ZNF407: variants seen among roughly 807,000 people sequenced by gnomAD.
ZNF407 encodes the protein zinc finger protein 407.
ZNF407 carries 17 observed loss-of-function variants against 131.2 expected under a neutral mutation model. The ratio of observed to expected loss-of-function variants is 0.13; its 90% CI spans 0.09 to 0.19. ZNF407 has a LOEUF of 0.19. Among genes scored for constraint, ZNF407 ranks in the 10% least tolerant of loss-of-function variants. ZNF407 has a pLI of 1.00. For synonymous variants in ZNF407, 1,156 were observed against 1,062.0 expected (o/e 1.09, Z -1.72); for missense variants, 2,681 against 2,830.6 (o/e 0.95, Z 1.20).
chr18:74,622,806 G>T (rs79141773), intron 1 of ZNF407, among the ~76,000 whole-genome samples: 11,359 of 150,076 alleles, frequency 0.076, 509 homozygotes, highest in African/African-American at 0.13. Context: ...GTCTGAATTT[G>T]TGAATATGTC....
At chr18:74,656,337 G>T (rs2144721018) in intron 3 of ZNF407, among the ~76,000 whole-genome samples, 1 of 152,052 alleles carries the variant, frequency 6.6e-6, no homozygotes, top group East Asian at 1.9e-4. Context: ...GGGGGTATAT[G>T]TTAGCGTTCA....
intron 8 of ZNF407, among the ~76,000 whole-genome samples, chr18:74,944,840 T>C (rs1972137378): frequency 6.6e-6 from 1 of 152,212 alleles, no homozygotes; most frequent in South Asian, 2.1e-4. Context: ...GAGTGCCACG[T>C]CACTATTCAA....
intron 4 of ZNF407, among the ~76,000 whole-genome samples, chr18:74,874,945 A>G (rs1971135629): frequency 6.6e-6 from 1 of 152,092 alleles, no homozygotes; most frequent in South Asian, 2.1e-4. Context: ...CGCAGGGTTC[A>G]CCCGGCAAGA....
intron 8 of ZNF407, among the ~76,000 whole-genome samples, chr18:75,024,939 T>C (rs914021735): frequency 2.6e-5 from 4 of 152,224 alleles, no homozygotes; most frequent in Non-Finnish European, 4.4e-5. Context: ...ACGAAGACTA[T>C]TTCCATCTGA....
At position 74,821,477 on chromosome 18, in the gene ZNF407, G is replaced by A. The variant is rs992969088; in HGVS notation, c.4877+39975G>A. Among the ~76,000 whole-genome samples the A allele has an allele frequency of 9.9e-5, 15 of 151,334 alleles. No individual in the cohort carries two copies. In the East Asian group the frequency reaches 2.0e-3, roughly 20 times the overall value. ...GATGATCCCCTCCCTGTGTCCATGC[G>A]TTCTCATTGTTCAACTCCCACTTAT... On this transcript the variant is annotated intron_variant, in intron 4 of 8. Coordinates refer to ENST00000299687, the MANE Select transcript of ZNF407 (RefSeq NM_017757.3).
chr18:74,805,908 C>T (rs904398904), intron 4 of ZNF407, among the ~76,000 whole-genome samples: 3 of 152,170 alleles, frequency 2.0e-5, no homozygotes, highest in South Asian at 4.1e-4. Context: ...CTTCTCGACT[C>T]GTCCTCTTTC....
intron 3 of ZNF407, among the ~76,000 whole-genome samples, chr18:74,707,540 G>A (rs781222333): frequency 3.3e-5 from 5 of 152,246 alleles, no homozygotes; most frequent in Non-Finnish European, 5.9e-5. Flanking sequence ...TGAGTGTTAC[G>A]TTGATGCTCC....
chr18:74,892,071 T>C (rs2145198276), intron 7 of ZNF407, among the ~76,000 whole-genome samples: 1 of 152,316 alleles, frequency 6.6e-6, no homozygotes, highest in East Asian at 1.9e-4. Context: ...GAGAAAAGTG[T>C]TATCTACCCA....
At chr18:74,875,693 A>C (rs1971146190) in intron 4 of ZNF407, among the ~76,000 whole-genome samples, 1 of 152,140 alleles carries the variant, frequency 6.6e-6, no homozygotes, top group Admixed American at 6.5e-5. Context: ...ATTTAGTTAT[A>C]TTTGTCATTC....
chr18:74,891,406 A>G (rs916331708), intron 7 of ZNF407, among the ~76,000 whole-genome samples: 5 of 152,200 alleles, frequency 3.3e-5, no homozygotes, highest in African/African-American at 7.2e-5. Context: ...GAAACCTTTA[A>G]AAAGTTAGGT....
chr18:74,855,067 T>C (rs888554462), intron 4 of ZNF407, among the ~76,000 whole-genome samples: 2 of 152,222 alleles, frequency 1.3e-5, no homozygotes, highest in Non-Finnish European at 2.9e-5. Flanking sequence ...TGGAAACTTA[T>C]TCTGTTAGTA....
At chr18:74,692,783 T>C (rs773253081) in intron 3 of ZNF407, among the ~76,000 whole-genome samples, 2 of 152,076 alleles carry the variant, frequency 1.3e-5, no homozygotes, top group African/African-American at 2.4e-5. Context: ...CCTTCTTAGC[T>C]CTCCCCCAGA....
intron 3 of ZNF407, among the ~76,000 whole-genome samples, chr18:74,775,739 T>G (rs956276918): frequency 6.6e-6 from 1 of 152,134 alleles, no homozygotes; most frequent in African/African-American, 2.4e-5. Context: ...TGGCTCATGG[T>G]TCTGCAGCCT....
intron 7 of ZNF407, among the ~76,000 whole-genome samples, chr18:74,908,783 A>G (rs1971629292): frequency 6.6e-6 from 1 of 152,176 alleles, no homozygotes; most frequent in South Asian, 2.1e-4. Context: ...CCGAGTTTAT[A>G]TATTGGAGCA....
chr18:74,635,765 A>G lies in ZNF407; in HGVS notation c.4687+59A>G. ...GACATGGGGCCATTTGTTCCCATCCAGATATGCAGCCCTACCTGTGGCTGC... is the reference window on the plus strand; with the variant it reads ...GACATGGGGCCATTTGTTCCCATCCGGATATGCAGCCCTACCTGTGGCTGC... On this transcript the variant is annotated intron_variant, in intron 2 of 8. Transcript: ENST00000299687. The surrounding 1 kb of genome is among the most constrained non-coding windows in gnomAD (Gnocchi z 4.7). 1 of 1,521,130 alleles carries G rather than the reference A, an allele frequency of 6.6e-7. No homozygotes were observed. The highest frequency in any genetic ancestry group is 8.8e-7 in the Non-Finnish European group (1 of 1,136,906). The allele number at this position is 1,521,130 out of a possible 1,614,324, so 94.2% of individuals were successfully genotyped here. A position where few individuals can be genotyped will look rare whatever the true frequency, so the allele number is the denominator to read the frequency against.
At chr18:74,834,115 A>T (rs1001847552) in intron 4 of ZNF407, among the ~76,000 whole-genome samples, 3 of 152,176 alleles carry the variant, frequency 2.0e-5, no homozygotes, top group Admixed American at 2.0e-4. Context: ...CTTTTCTCTC[A>T]TTTGTTCAGT....
chr18:74,823,208 G>GA (rs760508576), intron 4 of ZNF407, among the ~76,000 whole-genome samples: 7 of 152,134 alleles, frequency 4.6e-5, no homozygotes, highest in Non-Finnish European at 8.8e-5. Flanking sequence ...GGTCCTGAAG[G>GA]AAGCACTAAA....
chr18:74,766,483 G>T (rs573415147), intron 3 of ZNF407, among the ~76,000 whole-genome samples: 2 of 152,300 alleles, frequency 1.3e-5, no homozygotes, highest in East Asian at 3.9e-4. Flanking sequence ...GCGCGCTATG[G>T]TTTCACATCT....
intron 1 of ZNF407, among the ~76,000 whole-genome samples, chr18:74,625,014 C>T (rs1273147775): frequency 6.6e-6 from 1 of 152,166 alleles, no homozygotes; most frequent in Non-Finnish European, 1.5e-5. Flanking sequence ...GTGTGTATGT[C>T]ATGTGGCCCC....
Sources: gnomAD v4.1 joint callset for allele counts (sites outside exome capture counted in the v4.1 genomes callset) on GRCh38, gnomAD v4.1.1 for gene constraint, Gnocchi (gnomAD v3.1) non-coding constraint, MANE v1.5 for transcripts, NCBI Gene and HGNC (gene_info 2026-07-23, HGNC 2026-07-21) for gene names.